Variants in FRMPD3 observed in about 807,000 individuals in gnomAD.
The protein encoded by FRMPD3 is FERM and PDZ domain containing 3, also known as FERM and PDZ domain-containing protein 3.
In FRMPD3, 42 loss-of-function variants were observed where a neutral mutation model predicts 97.9. The observed-to-expected ratio is 0.43, with a 90% CI of 0.34 to 0.55. FRMPD3 has a LOEUF of 0.55. FRMPD3 is among the 20% of genes least tolerant of loss of function. The pLI is 0.03. For missense variants in FRMPD3, 1,303 were observed against 1,457.7 expected (o/e 0.89, Z 1.73); for synonymous variants, 577 against 581.1 (o/e 0.99, Z 0.10).
chrX:107,569,862 A>C (rs1390346200), intron 12 of FRMPD3, among the ~76,000 whole-genome samples: 2 of 110,718 alleles, frequency 1.8e-5, no homozygotes, highest in East Asian at 5.7e-4. Context: ...CTAAAAATAC[A>C]AAAATTAGCT....
chrX:107,574,852 T>C (rs1415973585), intron 12 of FRMPD3, among the ~76,000 whole-genome samples: 1 of 112,174 alleles, frequency 8.9e-6, no homozygotes, highest in African/African-American at 3.2e-5. Flanking sequence ...AATTCTCCTA[T>C]TTCTTAATGC....
intron 1 of FRMPD3, among the ~76,000 whole-genome samples, chrX:107,480,932 G>T (rs1921349682): frequency 9.2e-6 from 1 of 108,607 alleles, no homozygotes; most frequent in South Asian, 4.1e-4. Context: ...AAGAAAGAAA[G>T]AAAGAAAGAA....
rs1249680284 is a variant in FRMPD3, at chrX:107,566,372, A to T, written c.1296+1306A>T. Among the ~76,000 whole-genome samples the T allele has an allele frequency of 6.2e-5, 7 of 112,677 alleles. No homozygotes were observed. The East Asian group carries it at 1.9e-3, about 31-fold the overall frequency. On this transcript the variant is annotated intron_variant, in intron 12 of 14. Coordinates refer to ENST00000683843, the MANE Select transcript of FRMPD3 (RefSeq NM_001388459.1). ...TAATGTGTTGATTTTTCCACCTGTGATTCACAGGATTCCCATTGGTTTAGG... is the reference window on the plus strand; with the variant it reads ...TAATGTGTTGATTTTTCCACCTGTGTTTCACAGGATTCCCATTGGTTTAGG...
intron 1 of FRMPD3, among the ~76,000 whole-genome samples, chrX:107,486,304 GGT>G (rs1921503346): frequency 8.9e-6 from 1 of 112,068 alleles, no homozygotes; most frequent in South Asian, 3.7e-4. Flanking sequence ...CTACCCACAT[GGT>G]GTGCTTTGAG....
At chrX:107,478,710 C>T (rs1456469715) in intron 1 of FRMPD3, among the ~76,000 whole-genome samples, 1 of 111,729 alleles carries the variant, frequency 9.0e-6, no homozygotes, top group South Asian at 3.7e-4. Context: ...ATTGTAAAGC[C>T]GAGCCATGCA....
chrX:107,550,737 T>A (rs867111737), intron 6 of FRMPD3, among the ~76,000 whole-genome samples: 1 of 111,184 alleles, frequency 9.0e-6, no homozygotes, highest in East Asian at 2.8e-4. Flanking sequence ...TTTCCTCTAA[T>A]CCTTAGGAAT....
chrX:107,550,304 G>A (rs180989863), intron 6 of FRMPD3, 148 bp downstream of exon 6: 167 of 445,620 alleles, frequency 3.7e-4, no homozygotes, highest in African/African-American at 3.5e-3. Flanking sequence ...GCACAAGGCT[G>A]CAAAAATGCA....
intron 1 of FRMPD3, among the ~76,000 whole-genome samples, chrX:107,479,598 G>A (rs1403697456): frequency 9.1e-6 from 1 of 110,283 alleles, no homozygotes; most frequent in Non-Finnish European, 1.9e-5. Context: ...ATATTTAGGG[G>A]CTGAAATATG....
chrX:107,536,797 A>G (rs1197006253), intron 4 of FRMPD3, among the ~76,000 whole-genome samples: 1 of 111,781 alleles, frequency 8.9e-6, no homozygotes, highest in Non-Finnish European at 1.9e-5. Context: ...TATTATATTT[A>G]CATGTTTATT....
intron 12 of FRMPD3, among the ~76,000 whole-genome samples, chrX:107,573,225 T>A (rs1468641036): frequency 9.0e-6 from 1 of 111,519 alleles, no homozygotes; most frequent in Non-Finnish European, 1.9e-5. Context: ...GGAGTTTTGA[T>A]CTGGCAGGAA....
At chrX:107,502,808 G>T (rs1921946012) in intron 1 of FRMPD3, among the ~76,000 whole-genome samples, 1 of 112,830 alleles carries the variant, frequency 8.9e-6, no homozygotes, top group South Asian at 3.6e-4. Flanking sequence ...TATATGGCAG[G>T]TGCACTGACG....
At chrX:107,530,595 C>T (rs2147553987) in intron 3 of FRMPD3, 84 bp downstream of exon 3, 2 of 673,811 alleles carry the variant, frequency 3.0e-6, no homozygotes, top group East Asian at 3.6e-5. Context: ...ATCCCCCCCT[C>T]GCTCTGAGAG....
intron 1 of FRMPD3, among the ~76,000 whole-genome samples, chrX:107,486,282 C>T (rs116211909): frequency 0.011 from 1,187 of 112,105 alleles, 11 homozygotes; most frequent in African/African-American, 0.037. Context: ...CAGTAATCAG[C>T]TTCATGGTTA....
At chrX:107,549,918 T>A in intron 5 of FRMPD3, 131 bp from the exon 6 acceptor site, 1 of 476,484 alleles carries the variant, frequency 2.1e-6, no homozygotes, top group Non-Finnish European at 3.7e-6. Flanking sequence ...CTTTCCTCTG[T>A]CTCTGCCCTC....
At chrX:107,516,383 A>G (rs1395683431) in intron 1 of FRMPD3, among the ~76,000 whole-genome samples, 2 of 111,435 alleles carry the variant, frequency 1.8e-5, no homozygotes, top group African/African-American at 3.3e-5. Context: ...TCCTTTGGGT[A>G]TATACCCAGT....
chrX:107,571,665 A>G (rs956953897), intron 12 of FRMPD3, among the ~76,000 whole-genome samples: 2 of 112,220 alleles, frequency 1.8e-5, no homozygotes, highest in Non-Finnish European at 3.8e-5. Flanking sequence ...GCCTCCAGTC[A>G]GTAATTCTGT....
At chrX:107,469,598 C>T (rs1343680140) in intron 1 of FRMPD3, among the ~76,000 whole-genome samples, 2 of 112,527 alleles carry the variant, frequency 1.8e-5, no homozygotes, top group Non-Finnish European at 3.8e-5. Context: ...TTTTGCCCAA[C>T]ACATGTGGAC....
intron 12 of FRMPD3, among the ~76,000 whole-genome samples, chrX:107,566,253 G>A (rs1384580358): frequency 8.8e-6 from 1 of 113,002 alleles, no homozygotes; most frequent in Non-Finnish European, 1.9e-5. Flanking sequence ...CCCAGGGGGA[G>A]ATATTGGTAG....
In FRMPD3 at chrX:107,591,137, A is replaced by ATTTC. The variant is rs768963887; in HGVS notation, c.1442-6160_1442-6157dup. 3.6e-3 allele frequency among the ~76,000 whole-genome samples: 385 copies of ATTTC among 106,262 alleles called. 3 individuals carry two copies. The highest frequency in any genetic ancestry group is 8.6e-3 in the African/African-American group (250 of 29,151). The allele number at this position is 106,262 out of a possible 115,157, so 92.3% of individuals were successfully genotyped here. On this transcript the variant is annotated intron_variant, in intron 13 of 14. Transcript: ENST00000683843. ...TTGAATCAGTTTTGGCAAATTGTAT[A>ATTTC]TTTCTTTCTTTCTTTCTTTCTTTCT...
Sources: gnomAD v4.1 joint callset for allele counts (sites outside exome capture counted in the v4.1 genomes callset) on GRCh38, gnomAD v4.1.1 for gene constraint, MANE v1.5 for transcripts, NCBI Gene and HGNC (gene_info 2026-07-23, HGNC 2026-07-21) for gene names.